GNG12: variants seen among roughly 807,000 people sequenced by gnomAD.
GNG12 encodes guanine nucleotide-binding protein G(I)/G(S)/G(O) subunit gamma-12.
For synonymous variants in GNG12, 28 were observed against 29.7 expected (o/e 0.94, Z 0.19); for missense variants, 69 against 83.8 (o/e 0.82, Z 0.69).
At chr1:67,743,756 T>C (rs1557602769) in intron 2 of GNG12, among the ~76,000 whole-genome samples, 1 of 152,244 alleles carries the variant, frequency 6.6e-6, no homozygotes, top group Admixed American at 6.5e-5. Flanking sequence ...TTTCTATTCA[T>C]CAATAAACTG....
At chr1:67,785,805 C>T (rs931492881) in intron 1 of GNG12, among the ~76,000 whole-genome samples, 1 of 152,164 alleles carries the variant, frequency 6.6e-6, no homozygotes, top group Non-Finnish European at 1.5e-5. Flanking sequence ...TACTAAACTA[C>T]ATTAAACAGA....
intron 2 of GNG12, among the ~76,000 whole-genome samples, chr1:67,747,360 T>C (rs1393610110): frequency 6.6e-6 from 1 of 152,176 alleles, no homozygotes; most frequent in Admixed American, 6.5e-5. Context: ...CCTCAAGTGA[T>C]CTGCCCGCCT....
At position 67,811,117 on chromosome 1, in the gene GNG12, C is replaced by T. The variant is rs1646922888; in HGVS notation, c.-77+22227G>A. Among the ~76,000 whole-genome samples, 4 of 152,302 alleles carry T rather than the reference C, an allele frequency of 2.6e-5. No homozygotes were observed. In the South Asian group the frequency reaches 8.3e-4, roughly 32 times the overall value. Reference sequence around the variant, plus strand: ...CAGCCCTCCAAGTGATTCTGATGCTCATCAAAATTTGAGAACTGCTGCTCT... The same window carrying T: ...CAGCCCTCCAAGTGATTCTGATGCTTATCAAAATTTGAGAACTGCTGCTCT... On this transcript the variant is annotated intron_variant, in intron 1 of 3. Coordinates refer to ENST00000370982, the MANE Select transcript of GNG12 (RefSeq NM_018841.6).
intron 1 of GNG12, among the ~76,000 whole-genome samples, chr1:67,777,757 A>G (rs1374883123): frequency 6.6e-6 from 1 of 152,164 alleles, no homozygotes; most frequent in Admixed American, 6.5e-5. Flanking sequence ...TATAAATGGT[A>G]GTGTTTTTTC....
At chr1:67,831,393 C>T (rs1002426064) in intron 1 of GNG12, among the ~76,000 whole-genome samples, 3 of 152,162 alleles carry the variant, frequency 2.0e-5, no homozygotes, top group Non-Finnish European at 2.9e-5. Context: ...AAGACTGGAG[C>T]TTTCTGGACA....
At chr1:67,821,351 CA>C (rs939422581) in intron 1 of GNG12, among the ~76,000 whole-genome samples, 9 of 151,986 alleles carry the variant, frequency 5.9e-5, no homozygotes, top group Admixed American at 4.6e-4. Flanking sequence ...AAAAAAACAT[CA>C]GAGAGATCCC....
intron 2 of GNG12, among the ~76,000 whole-genome samples, chr1:67,734,283 G>C (rs1278971537): frequency 6.6e-6 from 1 of 151,978 alleles, no homozygotes; most frequent in Non-Finnish European, 1.5e-5. Context: ...TAGAGGAAAG[G>C]AGGGTGAGGG....
chr1:67,793,692 T>C (rs1305026118), intron 1 of GNG12, among the ~76,000 whole-genome samples: 2 of 152,192 alleles, frequency 1.3e-5, no homozygotes, highest in African/African-American at 4.8e-5. Context: ...AGAGCCAACA[T>C]AAACCCCACA....
intron 1 of GNG12, among the ~76,000 whole-genome samples, chr1:67,792,935 A>G (rs1222510012): frequency 2.6e-5 from 4 of 152,228 alleles, no homozygotes; most frequent in South Asian, 4.1e-4. Context: ...CCCATTTATC[A>G]TGACACACTC....
At chr1:67,790,359 G>C (rs1340406727) in intron 1 of GNG12, among the ~76,000 whole-genome samples, 3 of 152,022 alleles carry the variant, frequency 2.0e-5, no homozygotes. Context: ...CAGCGTTTAG[G>C]GAAATATACA....
chr1:67,785,836 C>T (rs1455109256), intron 1 of GNG12, among the ~76,000 whole-genome samples: 1 of 152,146 alleles, frequency 6.6e-6, no homozygotes, highest in African/African-American at 2.4e-5. Flanking sequence ...ATGTTTCCAA[C>T]CATGTACAAA....
In GNG12 at chr1:67,806,592, T is replaced by C. The variant is rs552890533; in HGVS notation, c.-77+26752A>G. On this transcript the variant is annotated intron_variant, in intron 1 of 3. Transcript: ENST00000370982. ...ATACCACAGGATGACTGTAAAGGGA[T>C]AGAGAAAGACATACCATGCTAAAAC... Among the ~76,000 whole-genome samples the C allele has an allele frequency of 1.3e-4, 19 of 151,930 alleles. 1 individual carries two copies. The South Asian group carries it at 3.9e-3, about 32-fold the overall frequency.
intron 1 of GNG12, among the ~76,000 whole-genome samples, chr1:67,813,400 T>G (rs147618302): frequency 1.2e-3 from 188 of 152,300 alleles, no homozygotes; most frequent in African/African-American, 4.5e-3. Context: ...TCCAGAAGAA[T>G]TGGTATGCTT....
intron 1 of GNG12, among the ~76,000 whole-genome samples, chr1:67,790,478 C>T (rs774971081): frequency 2.0e-5 from 3 of 152,176 alleles, no homozygotes; most frequent in East Asian, 1.9e-4. Flanking sequence ...CATTCAATAA[C>T]GTTCTATCTG....
intron 3 of GNG12, among the ~76,000 whole-genome samples, chr1:67,707,046 T>C (rs1209358642): frequency 1.3e-5 from 2 of 152,214 alleles, no homozygotes; most frequent in Non-Finnish European, 2.9e-5. Flanking sequence ...GGGAAAAGAC[T>C]TCGAAGTCAG....
intron 1 of GNG12, among the ~76,000 whole-genome samples, chr1:67,816,917 T>A (rs1646956640): frequency 6.6e-6 from 1 of 152,216 alleles, no homozygotes. Context: ...AGTGTCCCCA[T>A]CTGTAAAGTG....
intron 1 of GNG12, among the ~76,000 whole-genome samples, chr1:67,805,938 A>G (rs1646892428): frequency 6.6e-6 from 1 of 152,058 alleles, no homozygotes; most frequent in African/African-American, 2.4e-5. Context: ...AGGACCAAGG[A>G]TAAGTACATT....
chr1:67,790,174 T>C (rs200975366), intron 1 of GNG12, among the ~76,000 whole-genome samples: 4 of 152,114 alleles, frequency 2.6e-5, no homozygotes, highest in Non-Finnish European at 5.9e-5. Flanking sequence ...AACCAGCATA[T>C]CCAGTACAAC....
At chr1:67,772,920 T>A (rs1041140030) in intron 2 of GNG12, among the ~76,000 whole-genome samples, 1 of 152,208 alleles carries the variant, frequency 6.6e-6, no homozygotes, top group Admixed American at 6.5e-5. Flanking sequence ...TCTGCCACCA[T>A]GGTGAGGGAG....
Sources: gnomAD v4.1 joint callset for allele counts (sites outside exome capture counted in the v4.1 genomes callset) on GRCh38, gnomAD v4.1.1 for gene constraint, MANE v1.5 for transcripts, NCBI Gene and HGNC (gene_info 2026-07-23, HGNC 2026-07-21) for gene names.